Variants in ATG7 observed in about 807,000 individuals in gnomAD.
ATG7 encodes ubiquitin-like modifier-activating enzyme ATG7.
ATG7 carries 70 observed loss-of-function variants against 82.4 expected under a neutral mutation model. The ratio of observed to expected loss-of-function variants is 0.85; its 90% CI spans 0.70 to 1.04. ATG7 has a LOEUF of 1.04. Ranked by LOEUF, ATG7 falls within the 50% of genes least tolerant of loss-of-function variation. The pLI, the probability that ATG7 is intolerant of heterozygous loss-of-function variation, is 0.00. For synonymous variants in ATG7, 287 were observed against 313.0 expected, an observed-to-expected ratio of 0.92 and a Z score of 0.88; for missense variants, 792 against 864.3, an observed-to-expected ratio of 0.92 and a Z score of 1.05.
chr3:11,336,089 G>C (rs1044063514), intron 11 of ATG7, among the ~76,000 whole-genome samples: 5 of 148,842 alleles, frequency 3.4e-5, no homozygotes, highest in Non-Finnish European at 7.4e-5. Flanking sequence ...GCCCAGACTG[G>C]AGTGCAGTGG....
At chr3:11,400,628 C>T (rs1033014970) in intron 19 of ATG7, among the ~76,000 whole-genome samples, 2 of 152,096 alleles carry the variant, frequency 1.3e-5, no homozygotes, top group African/African-American at 2.4e-5. Context: ...CAAAATACTG[C>T]TTGAGTCAAA....
intron 20 of ATG7, among the ~76,000 whole-genome samples, chr3:11,502,738 C>T (rs2091433353): frequency 6.6e-6 from 1 of 152,054 alleles, no homozygotes; most frequent in Admixed American, 6.6e-5. Context: ...CCCATAGAGC[C>T]TCCTGAAGAC....
At chr3:11,427,353 C>T (rs1327788504) in intron 20 of ATG7, among the ~76,000 whole-genome samples, 4 of 152,136 alleles carry the variant, frequency 2.6e-5, no homozygotes, top group Non-Finnish European at 5.9e-5. Context: ...ACATGCCTGG[C>T]TTTTTCACGA....
intron 1 of ATG7, among the ~76,000 whole-genome samples, chr3:11,275,343 C>CTT (rs542108366): frequency 3.2e-4 from 45 of 142,540 alleles, no homozygotes; most frequent in African/African-American, 9.1e-4. Context: ...TTCCTCTCCT[C>CTT]TTTTTTTTTT....
intron 20 of ATG7, among the ~76,000 whole-genome samples, chr3:11,436,569 C>T (rs1191577359): frequency 6.6e-6 from 1 of 152,102 alleles, no homozygotes. Flanking sequence ...ATAAATATAG[C>T]CCAGAGAAAT....
At chr3:11,296,878 C>G (rs1023292737) in intron 3 of ATG7, among the ~76,000 whole-genome samples, 1 of 152,210 alleles carries the variant, frequency 6.6e-6, no homozygotes, top group African/African-American at 2.4e-5. Context: ...TCCCATTCTT[C>G]TTGATTTGAA....
intron 20 of ATG7, among the ~76,000 whole-genome samples, chr3:11,447,868 T>A (rs2084728586): frequency 6.6e-6 from 1 of 152,156 alleles, no homozygotes; most frequent in Non-Finnish European, 1.5e-5. Context: ...AACTACACGG[T>A]TGGAGTGATG....
Position 11,277,891 on chromosome 3 carries a change from A to ACCCCCCCCCCCCCCCCCCCCCCCCCC in ATG7, c.-365-3090_-365-3089insCCCCCCCCCCCCCCCCCCCCCCCCCC, listed in dbSNP as rs71626995. On this transcript the variant is annotated intron_variant, in intron 1 of 20. Transcript: ENST00000693202. Reference sequence around the variant, plus strand: ...ACACTCCCAGAGCGGCCCTTTATAGACCCCCCCCCCCCCACCAGGAATGCA... The same window carrying ACCCCCCCCCCCCCCCCCCCCCCCCCC: ...ACACTCCCAGAGCGGCCCTTTATAGACCCCCCCCCCCCCCCCCCCCCCCCCCCCCCCCCCCCCCCACCAGGAATGCA... Among the ~76,000 whole-genome samples, 2 of 60,768 alleles carry ACCCCCCCCCCCCCCCCCCCCCCCCCC rather than the reference A, an allele frequency of 3.3e-5. 1 individual carries two copies. The highest frequency in any genetic ancestry group is 1.4e-4 in the African/African-American group (2 of 14,680). The allele number at this position is 60,768 out of a possible 152,430, so 39.9% of individuals were successfully genotyped here.
chr3:11,499,277 A>G (rs892833728), intron 20 of ATG7, among the ~76,000 whole-genome samples: 2 of 152,022 alleles, frequency 1.3e-5, no homozygotes, highest in South Asian at 2.1e-4. Context: ...CCTGTTCTAC[A>G]TGGGTTTTCA....
chr3:11,541,018 G>A (rs990792026), intron 20 of ATG7, among the ~76,000 whole-genome samples: 1 of 151,002 alleles, frequency 6.6e-6, no homozygotes, highest in Non-Finnish European at 1.5e-5. Flanking sequence ...TCCTGCCTCA[G>A]CCTCCCAAGT....
intron 18 of ATG7, among the ~76,000 whole-genome samples, chr3:11,372,549 C>G (rs1052159181): frequency 1.3e-5 from 2 of 150,966 alleles, no homozygotes; most frequent in Admixed American, 1.3e-4. Flanking sequence ...ATCACTTCCA[C>G]AAATGAGATA....
chr3:11,303,905 C>G (rs1947250584), intron 5 of ATG7, among the ~76,000 whole-genome samples: 1 of 118,036 alleles, frequency 8.5e-6, no homozygotes, highest in Non-Finnish European at 1.7e-5. Flanking sequence ...AACCCCGTCT[C>G]TACTAAAAAT....
chr3:11,477,228 A>G, intron 20 of ATG7: 1 of 1,284,652 alleles, frequency 7.8e-7, no homozygotes, highest in Non-Finnish European at 1.0e-6. Context: ...GGAATCTTTT[A>G]TTCCTCGCCC....
intron 20 of ATG7, among the ~76,000 whole-genome samples, chr3:11,535,544 G>GC (rs1028347344): frequency 1.3e-5 from 2 of 152,124 alleles, no homozygotes; most frequent in African/African-American, 4.8e-5. Context: ...AGCCCTGCCT[G>GC]GGGACTCTCA....
At chr3:11,506,463 G>A (rs113168472) in intron 20 of ATG7, among the ~76,000 whole-genome samples, 3,775 of 147,082 alleles carry the variant, frequency 0.026, 65 homozygotes, top group Middle Eastern at 0.042. Context: ...GTGCTTATGC[G>A]TATCAGCACT....
chr3:11,559,297 C>A, downstream of ATG7: 2 of 1,503,042 alleles, frequency 1.3e-6, no homozygotes, highest in South Asian at 1.3e-5. Flanking sequence ...GCCACTAGCA[C>A]AGCTGTGACA....
intron 1 of ATG7, among the ~76,000 whole-genome samples, chr3:11,277,048 T>G (rs1485127398): frequency 6.6e-6 from 1 of 152,182 alleles, no homozygotes; most frequent in Non-Finnish European, 1.5e-5. Context: ...GTACTAGCCC[T>G]CCTTTCCATC....
At chr3:11,538,270 CCTTT>C (rs1280943602) in intron 20 of ATG7, among the ~76,000 whole-genome samples, 1 of 152,164 alleles carries the variant, frequency 6.6e-6, no homozygotes, top group Non-Finnish European at 1.5e-5. Context: ...TTCAGGAAGG[CCTTT>C]CTGAGGCCAG....
chr3:11,565,704 ACT>A, the ATG7 span, among the ~76,000 whole-genome samples: 1 of 152,230 alleles, frequency 6.6e-6, no homozygotes. This position sits in a 1 kb window ranked among gnomAD's most constrained non-coding sequence, Gnocchi z 4.1. Flanking sequence ...AAGGTCCATC[ACT>A]AGCCCTGGCC....
Sources: gnomAD v4.1 joint callset for allele counts (sites outside exome capture counted in the v4.1 genomes callset) on GRCh38, gnomAD v4.1.1 for gene constraint, Gnocchi (gnomAD v3.1) non-coding constraint, MANE v1.5 for transcripts, NCBI Gene and HGNC (gene_info 2026-07-23, HGNC 2026-07-21) for gene names.